The following SEPTIN7 variants were observed in gnomAD, a reference collection of about 807,000 sequenced individuals.
SEPTIN7 encodes the protein septin 7, also known as septin-7.
SEPTIN7 carries 10 observed loss-of-function variants against 63.3 expected under a neutral mutation model. That is an observed-to-expected ratio of 0.16 (90% CI 0.10 to 0.27). The LOEUF is 0.27. Among genes scored for constraint, SEPTIN7 ranks in the 10% least tolerant of loss-of-function variants. The pLI, the probability that SEPTIN7 is intolerant of heterozygous loss-of-function variation, is 1.00. For synonymous variants in SEPTIN7, 131 were observed against 165.3 expected, an observed-to-expected ratio of 0.79 and a Z score of 1.59; for missense variants, 310 against 521.0, an observed-to-expected ratio of 0.59 and a Z score of 3.94.
At chr7:35,889,235 T>G (rs73324363) in intron 10 of SEPTIN7, among the ~76,000 whole-genome samples, 5,232 of 152,286 alleles carry the variant, frequency 0.034, 323 homozygotes, top group African/African-American at 0.12. Context: ...CCGCCAGATA[T>G]GCCAGGAGTA....
intron 3 of SEPTIN7, among the ~76,000 whole-genome samples, chr7:35,854,372 G>GC (rs1387157604): frequency 1.3e-5 from 2 of 152,278 alleles, no homozygotes; most frequent in African/African-American, 2.4e-5. Flanking sequence ...TTTGAAAAAT[G>GC]CCCCCCAGGG....
chr7:35,914,055 G>GA, the SEPTIN7 span, among the ~76,000 whole-genome samples: 2 of 152,224 alleles, frequency 1.3e-5, no homozygotes, highest in Non-Finnish European at 2.9e-5. Flanking sequence ...AAGCGAGAAT[G>GA]AAGTATTCCT....
At chr7:35,911,619 C>T (rs762056761), downstream of SEPTIN7, among the ~76,000 whole-genome samples, 6 of 152,184 alleles carry the variant, frequency 3.9e-5, no homozygotes, top group Non-Finnish European at 7.3e-5. Context: ...CTGAACAAAA[C>T]GGCCAGATGG....
intron 9 of SEPTIN7, among the ~76,000 whole-genome samples, chr7:35,885,531 A>AT (rs766962637): frequency 6.6e-6 from 1 of 152,114 alleles, no homozygotes. Context: ...GAATAAATAT[A>AT]TTTTTTACCA....
At chr7:35,867,959 G>A (rs866874317) in intron 4 of SEPTIN7, among the ~76,000 whole-genome samples, 5 of 151,202 alleles carry the variant, frequency 3.3e-5, no homozygotes, top group Non-Finnish European at 5.9e-5. Flanking sequence ...TGCAACCTCT[G>A]CTTCCTGGGC....
At chr7:35,909,351 C>A (rs1220519586), downstream of SEPTIN7, among the ~76,000 whole-genome samples, 1 of 152,174 alleles carries the variant, frequency 6.6e-6, no homozygotes, top group African/African-American at 2.4e-5. Context: ...CCTATTTAGA[C>A]CCCATCCCTA....
chr7:35,880,918 GGTCAATTCTGGAACCTTT>G (rs1181281197), intron 7 of SEPTIN7, among the ~76,000 whole-genome samples: 1 of 151,916 alleles, frequency 6.6e-6, no homozygotes, highest in East Asian at 1.9e-4. Flanking sequence ...TGAAATGTAA[GGTCAATTCTGGAACCTTT>G]CTCTATTCCA....
chr7:35,821,687 A>G (rs576236043), intron 1 of SEPTIN7, among the ~76,000 whole-genome samples: 11 of 152,348 alleles, frequency 7.2e-5, no homozygotes, highest in African/African-American at 2.6e-4. Flanking sequence ...CCCTTTAAGT[A>G]AGTGGTTTAA....
At chr7:35,804,893 A>G (rs1051154902) in intron 1 of SEPTIN7, among the ~76,000 whole-genome samples, 7 of 146,222 alleles carry the variant, frequency 4.8e-5, no homozygotes, top group Non-Finnish European at 1.0e-4. Flanking sequence ...CTGGAGTGCA[A>G]TGGTGCAATC....
intron 4 of SEPTIN7, among the ~76,000 whole-genome samples, chr7:35,866,946 A>G (rs1381459320): frequency 6.6e-6 from 1 of 151,886 alleles, no homozygotes; most frequent in Non-Finnish European, 1.5e-5. Context: ...GGTTTGAGGC[A>G]GGGCCCAACT....
intron 7 of SEPTIN7, among the ~76,000 whole-genome samples, chr7:35,880,223 C>CTTTTTTTTTTTTTTCTTTT (rs1786770097): frequency 1.4e-5 from 1 of 72,776 alleles, no homozygotes; most frequent in Non-Finnish European, 2.6e-5. Flanking sequence ...TTTTTCTTTT[C>CTTTTTTTTTTTTTTCTTTT]TTTTTTTTTT....
At chr7:35,834,850 A>G (rs1420917208) in intron 3 of SEPTIN7, among the ~76,000 whole-genome samples, 1 of 152,164 alleles carries the variant, frequency 6.6e-6, no homozygotes, top group Non-Finnish European at 1.5e-5. Flanking sequence ...ACTTTCAGCT[A>G]TTCCTTATGA....
intron 3 of SEPTIN7, among the ~76,000 whole-genome samples, chr7:35,856,951 C>T (rs972206352): frequency 2.6e-5 from 4 of 152,068 alleles, no homozygotes; most frequent in South Asian, 2.1e-4. Context: ...TAATTGAATT[C>T]GATTCTAGGG....
intron 1 of SEPTIN7, among the ~76,000 whole-genome samples, chr7:35,822,654 A>T (rs1331905321): frequency 6.6e-6 from 1 of 152,226 alleles, no homozygotes; most frequent in African/African-American, 2.4e-5. Flanking sequence ...AACAGGCCAC[A>T]GACCGCTACC....
chr7:35,863,324 A>C (rs1364864143), intron 3 of SEPTIN7, among the ~76,000 whole-genome samples: 1 of 152,150 alleles, frequency 6.6e-6, no homozygotes, highest in Non-Finnish European at 1.5e-5. Context: ...AATGAATATA[A>C]GTGGTATAAT....
At chr7:35,838,236 ACTTC>A (rs1167892518) in intron 3 of SEPTIN7, among the ~76,000 whole-genome samples, 5,107 of 58,850 alleles carry the variant, frequency 0.087, 968 homozygotes, top group South Asian at 0.15. Context: ...TATTATCCAA[ACTTC>A]CTTCCTTCCT....
intron 11 of SEPTIN7, among the ~76,000 whole-genome samples, chr7:35,894,061 G>T (rs1562585987): frequency 6.6e-6 from 1 of 151,762 alleles, no homozygotes; most frequent in Non-Finnish European, 1.5e-5. Context: ...GGGGAGAAGA[G>T]TTGGTCATAT....
chr7:35,806,693 T>G (rs1445574137), intron 1 of SEPTIN7, among the ~76,000 whole-genome samples: 1 of 152,222 alleles, frequency 6.6e-6, no homozygotes, highest in African/African-American at 2.4e-5. Context: ...GAGTTCTCCT[T>G]CTACTGCCCC....
At chr7:35,880,084 A>G (rs1290572618) in intron 7 of SEPTIN7, 144 bp downstream of exon 7, 4 of 589,844 alleles carry the variant, frequency 6.8e-6, no homozygotes, top group Non-Finnish European at 1.2e-5. Flanking sequence ...TAACTCTTCA[A>G]TCTTCTGCCT....
Sources: allele counts gnomAD v4.1 joint callset (sites outside exome capture counted in the v4.1 genomes callset), GRCh38; gene constraint gnomAD v4.1.1; transcripts MANE v1.5; gene names NCBI Gene and HGNC (gene_info 2026-07-23, HGNC 2026-07-21).